The following CSMD2 variants were observed in gnomAD, a reference collection of about 807,000 sequenced individuals.
The protein encoded by CSMD2 is CUB and sushi domain-containing protein 2.
A neutral mutation model predicts 398.5 loss-of-function variants in CSMD2; 130 were observed. That is an observed-to-expected ratio of 0.33 (90% CI 0.28 to 0.38). CSMD2 has a LOEUF of 0.38. Among genes scored for constraint, CSMD2 ranks in the 10% least tolerant of loss-of-function variants. The pLI is 1.00. For synonymous variants in CSMD2, 1,828 were observed against 1,908.5 expected (o/e 0.96, Z 1.10); for missense variants, 3,829 against 4,764.9 (o/e 0.80, Z 5.78).
At chr1:33,568,184 A>T (rs977102188) in intron 52 of CSMD2, among the ~76,000 whole-genome samples, 9 of 114,242 alleles carry the variant, frequency 7.9e-5, no homozygotes, top group Non-Finnish European at 1.2e-4. Flanking sequence ...CAAACTCAGG[A>T]GCATCTTTTT....
rs1360478572 is a variant in CSMD2 at position 33,724,403 on chromosome 1, G to A, written c.2885-90C>T. 11 of 1,519,790 alleles carry A rather than the reference G, an allele frequency of 7.2e-6. No homozygotes were observed. The East Asian group carries it at 9.2e-5, about 13-fold the overall frequency. The allele number at this position is 1,519,790 out of a possible 1,614,324, so 94.1% of individuals were successfully genotyped here. On this transcript the variant is annotated intron_variant, in intron 18 of 70. Transcript: ENST00000373381. ...CCTGGGACCCCATCCCCCATCTCTC[G>A]AAAGCCCAACCTTCGCTGATGGGGT... is the stretch of plus-strand genomic sequence containing the variant.
At chr1:33,749,715 C>A (rs1647946931) in intron 13 of CSMD2, among the ~76,000 whole-genome samples, 1 of 152,004 alleles carries the variant, frequency 6.6e-6, no homozygotes, top group African/African-American at 2.4e-5. Context: ...AGGTGATAAT[C>A]CAACTATAAA....
At chr1:34,059,767 C>T (rs1654262297) in intron 2 of CSMD2, among the ~76,000 whole-genome samples, 1 of 151,420 alleles carries the variant, frequency 6.6e-6, no homozygotes, top group African/African-American at 2.4e-5. Context: ...CAGTAAAAGT[C>T]GACATTGTCA....
chr1:33,944,239 C>G lies in CSMD2; in HGVS notation c.518-8285G>C, dbSNP rs75021807. ...TTCATATCTCAGGAACGCCCCCCCC[C>G]CAACTCCTGTGATAAAAGCAAGTGA... is the stretch of plus-strand genomic sequence containing the variant. On this transcript the variant is annotated intron_variant, in intron 3 of 70. Transcript: ENST00000373381. 3.9e-3 allele frequency among the ~76,000 whole-genome samples: 587 copies of G among 151,784 alleles called. 8 individuals are homozygous for G. Among genetic ancestry groups the G allele is most frequent in the African/African-American group, 0.013 (537 of 41,104 alleles).
chr1:33,997,636 A>T (rs187326460), intron 3 of CSMD2, among the ~76,000 whole-genome samples: 1 of 152,312 alleles, frequency 6.6e-6, no homozygotes, highest in African/African-American at 2.4e-5. Context: ...CATTAGGAGT[A>T]TATTAACAAA....
At chr1:33,836,099 C>A (rs1046637521) in intron 6 of CSMD2, among the ~76,000 whole-genome samples, 51 of 152,364 alleles carry the variant, frequency 3.3e-4, no homozygotes, top group Admixed American at 7.2e-4. Context: ...CCCTCAGCTG[C>A]AGGTGTGTTG....
At position 34,127,376 on chromosome 1, in the gene CSMD2, A is replaced by G. The variant is rs967072245; in HGVS notation, c.187+37535T>C. Among the ~76,000 whole-genome samples the G allele has an allele frequency of 2.6e-5, 4 of 152,152 alleles. No individual in the cohort carries two copies. In the East Asian group the frequency reaches 5.8e-4, roughly 22 times the overall value. ...GGAGTGAAGTCAGTGGAGAAGAAAA[A>G]TAAAATGGGAGGGTAGAGGGGAGAG... On this transcript the variant is annotated intron_variant, in intron 1 of 70. Transcript: ENST00000373381.
intron 40 of CSMD2, among the ~76,000 whole-genome samples, chr1:33,613,679 G>T (rs979556512): frequency 6.6e-6 from 1 of 152,138 alleles, no homozygotes; most frequent in African/African-American, 2.4e-5. Flanking sequence ...TCACAGACTG[G>T]CATTCAGGGC....
intron 6 of CSMD2, among the ~76,000 whole-genome samples, chr1:33,844,857 G>A (rs749360173): frequency 4.6e-4 from 70 of 152,194 alleles, no homozygotes; most frequent in Non-Finnish European, 7.8e-4. Context: ...CTATGCTAAG[G>A]ATGATAGAGG....
At chr1:34,006,857 G>A (rs1424418078) in intron 3 of CSMD2, among the ~76,000 whole-genome samples, 1 of 152,006 alleles carries the variant, frequency 6.6e-6, no homozygotes, top group African/African-American at 2.4e-5. Flanking sequence ...AGGCCCCCAA[G>A]GAGTATGCAA....
At chr1:33,996,417 T>C (rs755458812) in intron 3 of CSMD2, among the ~76,000 whole-genome samples, 7 of 152,250 alleles carry the variant, frequency 4.6e-5, no homozygotes, top group Non-Finnish European at 7.3e-5. Context: ...GTGTGGATTC[T>C]GCATATATCA....
Position 33,949,507 on chromosome 1 carries a change from G to C in CSMD2, c.518-13553C>G, listed in dbSNP as rs181024302. On this transcript the variant is annotated intron_variant, in intron 3 of 70. Transcript: ENST00000373381. ...GCCTAATAAGAATCATTCGTGAATA[G>C]TCCTACCCAGCTGCAAACTGAAATG... Among the ~76,000 whole-genome samples, 47 of 152,316 alleles carry C rather than the reference G, an allele frequency of 3.1e-4. 1 individual carries two copies. Among genetic ancestry groups the C allele is most frequent in the African/African-American group, 9.4e-4 (39 of 41,566 alleles).
rs879070451 is a variant in CSMD2 at position 33,635,148 on chromosome 1, T to C, written c.5086+66A>G. 9.3e-6 allele frequency: 9 copies of C among 963,798 alleles called. No individual in the cohort carries two copies. Among genetic ancestry groups the C allele is most frequent in the South Asian group, 8.6e-5 (6 of 69,970 alleles). The allele number at this position is 963,798 out of a possible 1,614,324, so 59.7% of individuals were successfully genotyped here. ...ATATAATTGGGAGGCGTCTGAGGAA[T>C]TGCTCATTTTGGAATGAGGGTGAGG... On this transcript the variant is annotated intron_variant, in intron 31 of 70. Coordinates refer to ENST00000373381, the MANE Select transcript of CSMD2 (RefSeq NM_001281956.2). This position sits in a 1 kb window ranked among gnomAD's most constrained non-coding sequence, Gnocchi z 5.0.
intron 57 of CSMD2, among the ~76,000 whole-genome samples, chr1:33,545,175 T>A (rs1395383902): frequency 3.9e-5 from 6 of 152,218 alleles, no homozygotes; most frequent in Non-Finnish European, 8.8e-5. Context: ...TCTCATCTGT[T>A]AAGCCTGCTT....
chr1:33,531,424 G>C (rs949517325), intron 64 of CSMD2, among the ~76,000 whole-genome samples: 5 of 152,120 alleles, frequency 3.3e-5, no homozygotes, highest in Non-Finnish European at 4.4e-5. Flanking sequence ...GGAAAACTTT[G>C]GCAATTCCTC....
In CSMD2 at chr1:34,150,075, C is replaced by CTTTTTTTTTTTTTTTTTTTTT. The variant is rs201785327; in HGVS notation, c.187+14835_187+14836insAAAAAAAAAAAAAAAAAAAAA. ...AGACCTGGAAATCTACATTTTTCTTCTTTCTTTTTTTTTTGTTTTTTTTTG... is the reference window on the plus strand; with the variant it reads ...AGACCTGGAAATCTACATTTTTCTTCTTTTTTTTTTTTTTTTTTTTTTTTCTTTTTTTTTTGTTTTTTTTTG... On this transcript the variant is annotated intron_variant, in intron 1 of 70. Transcript: ENST00000373381. Among the ~76,000 whole-genome samples, 4 of 119,622 alleles carry CTTTTTTTTTTTTTTTTTTTTT rather than the reference C, an allele frequency of 3.3e-5. 2 individuals carry two copies. Among genetic ancestry groups the CTTTTTTTTTTTTTTTTTTTTT allele is most frequent in the Non-Finnish European group, 3.6e-5 (2 of 55,164 alleles). The allele number at this position is 119,622 out of a possible 152,430, so 78.5% of individuals were successfully genotyped here. A position where few individuals can be genotyped will look rare whatever the true frequency, so the allele number is the denominator to read the frequency against.
intron 15 of CSMD2, among the ~76,000 whole-genome samples, chr1:33,727,733 A>G (rs909843115): frequency 1.3e-5 from 2 of 152,182 alleles, no homozygotes; most frequent in African/African-American, 4.8e-5. Flanking sequence ...CTGATGACCC[A>G]TGTTAAATAT....
At chr1:33,651,276 G>A (rs1643739612) in intron 28 of CSMD2, among the ~76,000 whole-genome samples, 1 of 152,200 alleles carries the variant, frequency 6.6e-6, no homozygotes, top group Admixed American at 6.5e-5. Flanking sequence ...GATAGAGGCT[G>A]CATGCCTTGG....
chr1:33,961,005 C>A (rs1373564076), intron 3 of CSMD2, among the ~76,000 whole-genome samples: 2 of 152,236 alleles, frequency 1.3e-5, no homozygotes, highest in African/African-American at 4.8e-5. Context: ...CATCTCCTAC[C>A]ATTCTCTATT....
Sources: allele counts gnomAD v4.1 joint callset (sites outside exome capture counted in the v4.1 genomes callset), GRCh38; gene constraint gnomAD v4.1.1; non-coding constraint Gnocchi (gnomAD v3.1); transcripts MANE v1.5; gene names NCBI Gene and HGNC (gene_info 2026-07-23, HGNC 2026-07-21).